The following DDX43 variants were observed in gnomAD, a reference collection of about 807,000 sequenced individuals.
The protein encoded by DDX43 is probable ATP-dependent RNA helicase DDX43.
Under a neutral mutation model 84.9 loss-of-function variants are expected in DDX43, and 50 were observed. The observed-to-expected ratio is 0.59, with a 90% CI of 0.47 to 0.75. DDX43 has a LOEUF of 0.75. Among genes scored for constraint, DDX43 ranks in the 30% least tolerant of loss-of-function variants. DDX43 has a pLI of 0.00. For synonymous variants in DDX43, 291 were observed against 266.3 expected, an observed-to-expected ratio of 1.09 and a Z score of -0.90; for missense variants, 689 against 798.6, an observed-to-expected ratio of 0.86 and a Z score of 1.65.
chr6:73,398,314 C>T (rs1467472420), intron 2 of DDX43, among the ~76,000 whole-genome samples: 2 of 151,758 alleles, frequency 1.3e-5, no homozygotes, highest in Non-Finnish European at 2.9e-5. Flanking sequence ...TGCAGTGGCA[C>T]GATCTTGGGT....
At chr6:73,395,865 T>C (rs1224230712) in intron 1 of DDX43, among the ~76,000 whole-genome samples, 1 of 152,180 alleles carries the variant, frequency 6.6e-6, no homozygotes, top group East Asian at 1.9e-4. Context: ...AGAGCAGTTG[T>C]ATCTTGCTTT....
intron 1 of DDX43, among the ~76,000 whole-genome samples, chr6:73,396,688 A>G (rs997915208): frequency 7.9e-5 from 12 of 152,224 alleles, no homozygotes; most frequent in African/African-American, 2.9e-4. Context: ...GATCTCTGGA[A>G]CTTGCATGAC....
At chr6:73,405,922 CTG>C in intron 6 of DDX43, 87 bp downstream of exon 6, 1 of 1,260,416 alleles carries the variant, frequency 7.9e-7, no homozygotes, top group Non-Finnish European at 1.1e-6. Context: ...CAGGGAGCAA[CTG>C]TCTTAGCATT....
At position 73,407,976 on chromosome 6, in the gene DDX43, G is replaced by C; in HGVS notation, c.1054G>C (p.Gly352Arg). The C allele has an allele frequency of 6.2e-7, 1 of 1,613,248 alleles. No individual in the cohort carries two copies. The highest frequency in any genetic ancestry group is 8.5e-7 in the Non-Finnish European group (1 of 1,179,388). ...KGLRSVCVYG[G>R]GNRDEQIEEL... ...CTTTTTAAGTGTTTGTGTATATGGT[G>C]GTGGAAATAGAGATGAACAAATAGA... is the stretch of plus-strand genomic sequence containing the variant. Residue 352 changes from glycine (G) to arginine (R), a missense_variant, in exon 9 of 17, where the codon GGT (glycine) becomes CGT (arginine). Transcript: ENST00000370336.
chr6:73,411,133 GCCACTGCACT>G (rs200844185), intron 10 of DDX43, among the ~76,000 whole-genome samples: 2,747 of 121,988 alleles, frequency 0.023, 233 homozygotes, highest in East Asian at 0.17. Context: ...CCGAGATCAC[GCCACTGCACT>G]CCAACCTGGG....
At chr6:73,396,816 C>T (rs1769483295) in intron 1 of DDX43, among the ~76,000 whole-genome samples, 1 of 152,140 alleles carries the variant, frequency 6.6e-6, no homozygotes, top group African/African-American at 2.4e-5. Context: ...TAGAATCATG[C>T]AGTAATTGTC....
chr6:73,412,629 T>G (rs1582641393), intron 11 of DDX43, among the ~76,000 whole-genome samples: 1 of 63,302 alleles, frequency 1.6e-5, no homozygotes, highest in Non-Finnish European at 3.7e-5. Context: ...TCAAGTGATA[T>G]ATATATATAG....
At chr6:73,398,332 A>T (rs902858828) in intron 2 of DDX43, among the ~76,000 whole-genome samples, 11 of 151,888 alleles carry the variant, frequency 7.2e-5, no homozygotes, top group African/African-American at 2.7e-4. Flanking sequence ...GGTCACTGCA[A>T]CCTCTGCCTC....
chr6:73,396,407 G>T (rs1213033039), intron 1 of DDX43, among the ~76,000 whole-genome samples: 1 of 152,172 alleles, frequency 6.6e-6, no homozygotes, highest in Non-Finnish European at 1.5e-5. Flanking sequence ...ACAAAATAGT[G>T]CATTGTAAGA....
At chr6:73,405,354 G>C (rs1769656627) in intron 5 of DDX43, among the ~76,000 whole-genome samples, 1 of 152,192 alleles carries the variant, frequency 6.6e-6, no homozygotes, top group Admixed American at 6.5e-5. Context: ...TGAAATATGT[G>C]TGGAACATCG....
chr6:73,411,923 C>T (rs1192947967), intron 10 of DDX43, among the ~76,000 whole-genome samples: 1 of 152,166 alleles, frequency 6.6e-6, no homozygotes, highest in Non-Finnish European at 1.5e-5. Context: ...GTCTTGAACT[C>T]CTGACCTCAG....
rs368151627 is a variant in DDX43 at position 73,400,498 on chromosome 6, A to G, written c.436+135A>G. 10 of 738,028 alleles carry G rather than the reference A, an allele frequency of 1.4e-5. No homozygotes were observed. The South Asian group carries it at 3.2e-4, about 23-fold the overall frequency. 45.7% of individuals were successfully genotyped at this position (738,028 alleles called of 1,614,324 possible). ...AATGCAGTCTTAATGATTTTTTACTATGAATGAAAGCCCAGAATATTTTTC... is the reference window on the plus strand; with the variant it reads ...AATGCAGTCTTAATGATTTTTTACTGTGAATGAAAGCCCAGAATATTTTTC... On this transcript the variant is annotated intron_variant, in intron 3 of 16. Coordinates refer to ENST00000370336, the MANE Select transcript of DDX43 (RefSeq NM_018665.3).
intron 3 of DDX43, among the ~76,000 whole-genome samples, chr6:73,401,323 T>C (rs1769564164): frequency 6.6e-6 from 1 of 152,222 alleles, no homozygotes; most frequent in South Asian, 2.1e-4. Context: ...AGGACTATTA[T>C]TCTAACGACT....
chr6:73,399,764 AT>A (rs1398113918), intron 2 of DDX43, among the ~76,000 whole-genome samples: 1 of 152,224 alleles, frequency 6.6e-6, no homozygotes, highest in Non-Finnish European at 1.5e-5. Flanking sequence ...TGAGTTAAGG[AT>A]AGAATCCCAT....
Position 73,415,532 on chromosome 6 carries a change from A to G in DDX43, c.1781A>G (p.Asn594Ser). ...GTTTCCATTACAACTTTGACTAGAA[A>G]TGATTGGAGGGTTGCCTCTGAATTG... Reference protein sequence around the residue: ...TGVSITTLTRNDWRVASELIN... With the variant: ...TGVSITTLTRSDWRVASELIN... The change falls in exon 15 of 17, where the codon AAT becomes AGT. Residue 594 changes from asparagine (N) to serine (S), a missense_variant. Transcript: ENST00000370336. The G allele has an allele frequency of 6.2e-7, 1 of 1,613,610 alleles. No homozygotes were observed. Among genetic ancestry groups the G allele is most frequent in the Non-Finnish European group, 8.5e-7 (1 of 1,179,678 alleles).
At chr6:73,398,049 G>T (rs1355888720) in intron 2 of DDX43, 3 of 206,290 alleles carry the variant, frequency 1.5e-5, no homozygotes, top group Non-Finnish European at 2.9e-5. Context: ...GGCCTCAAGT[G>T]ATCCACTTGC....
chr6:73,407,123 A>G (rs1294494555), intron 7 of DDX43: 9 of 161,978 alleles, frequency 5.6e-5, no homozygotes, highest in Admixed American at 2.4e-4. Flanking sequence ...CATTGCTACA[A>G]ATTTTTTTTT....
intron 11 of DDX43, 71 bp from the exon 12 acceptor site, chr6:73,413,587 T>C: frequency 7.0e-7 from 1 of 1,432,244 alleles, no homozygotes; most frequent in South Asian, 1.4e-5. Context: ...AAGATGCATT[T>C]TGAGCTGATG....
chr6:73,407,836 C>T (rs1769711943), intron 8 of DDX43, 124 bp from the exon 9 acceptor site: 1 of 966,652 alleles, frequency 1.0e-6, no homozygotes, highest in African/African-American at 1.6e-5. Context: ...GTACATAATT[C>T]TCAGAAAGGG....
Sources: gnomAD v4.1 joint callset for allele counts (sites outside exome capture counted in the v4.1 genomes callset) on GRCh38, gnomAD v4.1.1 for gene constraint, MANE v1.5 for transcripts, NCBI Gene and HGNC (gene_info 2026-07-23, HGNC 2026-07-21) for gene names.